The following KRT74 variants were observed in gnomAD, a reference collection of about 807,000 sequenced individuals.
KRT74 encodes keratin, type II cytoskeletal 74.
KRT74 carries 43 observed loss-of-function variants against 42.7 expected under a neutral mutation model. The ratio of observed to expected loss-of-function variants is 1.01; its 90% confidence interval spans 0.79 to 1.30. The LOEUF (loss-of-function observed/expected upper bound fraction) is 1.30. Among genes scored for constraint, KRT74 ranks in the 50% most tolerant of loss-of-function variants. The pLI, the probability that KRT74 is intolerant of heterozygous loss-of-function variation, is 0.00. For missense variants in KRT74, 736 were observed against 689.1 expected (o/e 1.07, Z -0.76); for synonymous variants, 302 against 279.0 (o/e 1.08, Z -0.82).
intron 6 of KRT74, chr12:52,569,351 G>A: frequency 4.5e-6 from 1 of 223,048 alleles, no homozygotes; most frequent in Non-Finnish European, 8.6e-6. Context: ...GTGTCCCTCA[G>A]TCAACAGACC....
rs1245569529 is a variant in KRT74 at position 52,573,537 on chromosome 12, A to C, written c.241T>G (p.Tyr81Asp). The C allele has an allele frequency of 6.2e-7, 1 of 1,613,824 alleles. No individual in the cohort carries two copies. Among genetic ancestry groups the C allele is most frequent in the Non-Finnish European group, 8.5e-7 (1 of 1,180,012 alleles). The change falls in exon 1 of 9, where the codon TAT becomes GAT. Residue 81 changes from tyrosine to aspartate, a missense_variant. Tyr to Asp is a radical substitution (Grantham distance 160). Transcript: ENST00000305620. ...GGYGFRPGSG[Y>D]GGGRASGFAG... ...AAGCCACTGGCCCGGCCCCCTCCAT[A>C]CCCAGAGCCAGGCCTGAAGCCGTAA...
chr12:52,571,828 C>A, intron 3 of KRT74, 116 bp downstream of exon 3: 1 of 810,152 alleles, frequency 1.2e-6, no homozygotes. Flanking sequence ...TCACCAGGCA[C>A]CAGCCCCCTC....
At position 52,567,003 on chromosome 12, in the gene KRT74, G is replaced by C. The variant is rs1313842123; in HGVS notation, c.1556C>G (p.Pro519Arg). The C allele has an allele frequency of 1.9e-6, 3 of 1,608,754 alleles. No individual in the cohort carries two copies. The highest frequency in any genetic ancestry group is 3.3e-5 in the Admixed American group (2 of 59,818). Residue 519 changes from proline (P) to arginine (R), a missense_variant, in exon 9 of 9, where the codon CCA becomes CGA. Coordinates refer to ENST00000305620, the MANE Select transcript of KRT74 (RefSeq NM_175053.4). Reference sequence around the variant, plus strand: ...GGCTTTCCTTGCTGGGATGCTGGCTGGGGTGCTCTTGCCCTGGGTGTCCTT... The same window carrying C: ...GGCTTTCCTTGCTGGGATGCTGGCTCGGGTGCTCTTGCCCTGGGTGTCCTT... The part of the protein sequence containing the change: ...DLKDTQGKST[P>R]ASIPARKATR
Position 52,573,377 on chromosome 12 carries a change from T to C in KRT74, c.401A>G (p.Gln134Arg), listed in dbSNP as rs1325087560. The C allele has an allele frequency of 6.2e-7, 1 of 1,614,124 alleles. No individual in the cohort carries two copies. Among genetic ancestry groups the C allele is most frequent in the Non-Finnish European group, 8.5e-7 (1 of 1,180,052 alleles). The change falls in exon 1 of 9, where the codon CAG (glutamine) becomes CGG (arginine). Residue 134 changes from glutamine to arginine, a missense_variant. Physicochemically the swap from Gln to Arg is conservative, Grantham distance 43. Transcript: ENST00000305620. ...PLNVELDPEI[Q>R]KVRAQEREQI... ...TTCCCGCTCCTGGGCGCGCACCTTC[T>C]GGATCTCAGGGTCCAGCTCCACGTT...
rs760055005 is a variant in KRT74, at chr12:52,567,004, G to A, written c.1555C>T (p.Pro519Ser). 2.0e-5 allele frequency: 32 copies of A among 1,608,456 alleles called. 1 individual carries two copies. In the South Asian group the frequency reaches 3.2e-4, roughly 16 times the overall value. Reference sequence around the variant, plus strand: ...GCTTTCCTTGCTGGGATGCTGGCTGGGGTGCTCTTGCCCTGGGTGTCCTTG... The same window carrying A: ...GCTTTCCTTGCTGGGATGCTGGCTGAGGTGCTCTTGCCCTGGGTGTCCTTG... The part of the protein sequence containing the change: ...DLKDTQGKST[P>S]ASIPARKATR The change falls in exon 9 of 9, where the codon CCA (proline) becomes TCA (serine). Residue 519 changes from proline (P) to serine (S), a missense_variant. Coordinates refer to ENST00000305620, the MANE Select transcript of KRT74 (RefSeq NM_175053.4).
chr12:52,571,041 G>A lies in KRT74; in HGVS notation c.844-208C>T, dbSNP rs565711752. On this transcript the variant is annotated intron_variant, in intron 4 of 8. Coordinates refer to ENST00000305620, the MANE Select transcript of KRT74 (RefSeq NM_175053.4). ...GAACCCCTGCATATGGCAGATGCCC[G>A]CTGGCACATGCAGACGGGTGAATAA... 3.9e-5 allele frequency among the ~76,000 whole-genome samples: 6 copies of A among 152,368 alleles called. No homozygotes were observed. In the East Asian group the frequency reaches 1.2e-3, roughly 29 times the overall value.
At chr12:52,572,067 GC>G in intron 2 of KRT74, 63 bp from the exon 3 acceptor site, 1 of 1,251,358 alleles carries the variant, frequency 8.0e-7, no homozygotes, top group Non-Finnish European at 1.2e-6. Context: ...CTTCCTGCTG[GC>G]CAGGCAAATG....
intron 2 of KRT74, 37 bp downstream of exon 2, chr12:52,572,415 GA>G: frequency 1.2e-6 from 2 of 1,609,062 alleles, no homozygotes; most frequent in Non-Finnish European, 1.7e-6. Context: ...AGAGGCACGG[GA>G]AACATGGTCT....
rs143393418 is a variant in KRT74, at chr12:52,567,016, C to G, written c.1543G>C (p.Gly515Arg). The change falls in exon 9 of 9, where the codon GGC (glycine) becomes CGC (arginine). Residue 515 changes from glycine (G) to arginine (R), a missense_variant. Coordinates refer to ENST00000305620, the MANE Select transcript of KRT74 (RefSeq NM_175053.4). ...GGGATGCTGGCTGGGGTGCTCTTGCCCTGGGTGTCCTTGAGGTCTCCCCCT... is the reference window on the plus strand; with the variant it reads ...GGGATGCTGGCTGGGGTGCTCTTGCGCTGGGTGTCCTTGAGGTCTCCCCCT... Reference protein sequence around the residue: ...ARGGDLKDTQGKSTPASIPAR... With the variant: ...ARGGDLKDTQRKSTPASIPAR... 133 of 1,605,454 alleles carry G rather than the reference C, an allele frequency of 8.3e-5. No individual in the cohort carries two copies. The African/African-American group carries it at 1.6e-3, about 19-fold the overall frequency.
intron 2 of KRT74, 21 bp downstream of exon 2, chr12:52,572,432 C>T (rs1208062877): frequency 1.2e-6 from 2 of 1,613,264 alleles, no homozygotes; most frequent in Non-Finnish European, 8.5e-7. Flanking sequence ...GGTCTGTGAC[C>T]CTCGGGTGGA....
Position 52,570,108 on chromosome 12 carries a change from G to A in KRT74, c.1009-124C>T, listed in dbSNP as rs1024929905. The A allele has an allele frequency of 5.3e-6, 6 of 1,130,808 alleles. No individual in the cohort carries two copies. In the African/African-American group the frequency reaches 7.8e-5, roughly 15 times the overall value. The allele number at this position is 1,130,808 out of a possible 1,614,324, so 70.0% of individuals were successfully genotyped here. The stretch of plus-strand genomic sequence containing the variant: ...TAACGGAACTGAAGAGGAGTGCTGG[G>A]ACAGGGTCCTGGGGGCCCAGGTAAG... On this transcript the variant is annotated intron_variant, in intron 5 of 8. Coordinates refer to ENST00000305620, the MANE Select transcript of KRT74 (RefSeq NM_175053.4).
chr12:52,572,812 C>A (rs954711572), intron 1 of KRT74, 145 bp from the exon 2 acceptor site: 5 of 761,966 alleles, frequency 6.6e-6, no homozygotes, highest in Non-Finnish European at 1.1e-5. Flanking sequence ...CCATTCCACA[C>A]AAACTAGATC....
intron 8 of KRT74, 49 bp from the exon 9 acceptor site, chr12:52,567,217 A>G (rs1654104142): frequency 1.4e-6 from 2 of 1,453,544 alleles, no homozygotes. Flanking sequence ...GTCAATCAGC[A>G]GATAACAGCT....
Position 52,566,882 on chromosome 12 carries a change from G to A in KRT74, c.*87C>T, listed in dbSNP as rs1939390129. The A allele has an allele frequency of 1.8e-6, 2 of 1,137,946 alleles. No homozygotes were observed. The highest frequency in any genetic ancestry group is 1.3e-6 in the Non-Finnish European group (1 of 784,724). The allele number at this position is 1,137,946 out of a possible 1,614,324, so 70.5% of individuals were successfully genotyped here. ...TACTACAGACAGTTTTAAAACTCAG[G>A]GCCTGGGAACTTGGGTGTGGCAGAC... On this transcript the variant is annotated 3_prime_UTR_variant, in exon 9 of 9. Transcript: ENST00000305620.
chr12:52,568,564 A>G, intron 6 of KRT74, 175 bp from the exon 7 acceptor site: 1 of 688,880 alleles, frequency 1.5e-6, no homozygotes, highest in South Asian at 1.9e-5. Flanking sequence ...AGGAGTATTC[A>G]AAGCTGTTAT....
chr12:52,572,647 CT>C lies in KRT74; in HGVS notation c.491del (p.Gln164ArgfsTer5). 2 of 1,614,206 alleles carry C rather than the reference CT, an allele frequency of 1.2e-6. No homozygotes were observed. The highest frequency in any genetic ancestry group is 1.7e-6 in the Non-Finnish European group (2 of 1,180,046). On this transcript the variant is annotated frameshift_variant, in exon 2 of 9. Transcript: ENST00000305620. LOFTEE classifies it high-confidence loss of function. ...FIDKVRFLEQ[Q>X]NQVLETKWEL... The stretch of plus-strand genomic sequence containing the variant: ...CCCACTTGGTTTCTAGAACCTGGTT[CT>C]GCTGCTCTAGGAAGCGTACCTGGAA...
chr12:52,571,171 A>G (rs555562417), intron 4 of KRT74, among the ~76,000 whole-genome samples, 188 bp downstream of exon 4: 10 of 152,320 alleles, frequency 6.6e-5, no homozygotes, highest in South Asian at 6.2e-4. Context: ...ATCAAGATCA[A>G]TTTCCTCCTG....
rs57387512 is a variant in KRT74 at position 52,568,349 on chromosome 12, C to T, written c.1175G>A (p.Arg392Gln). The part of the protein sequence containing the change: ...LETAIADAEQ[R>Q]GDNALKDAQA... The stretch of plus-strand genomic sequence containing the variant: ...GGCATCCTTCAGGGCATTGTCTCCC[C>T]GCTGCTCAGCGTCAGCGATGGCCGT... The change falls in exon 7 of 9, where the codon CGG (arginine) becomes CAG (glutamine). Residue 392 changes from arginine (R) to glutamine (Q), a missense_variant. By Grantham distance (43) the Arg-to-Gln change is conservative. Transcript: ENST00000305620. 2.0e-3 allele frequency: 3,243 copies of T among 1,614,204 alleles called. 57 individuals carry two copies. The African/African-American group carries it at 0.034, about 17-fold the overall frequency.
chr12:52,568,390 C>CT lies in KRT74; in HGVS notation c.1135-2dup, dbSNP rs1939418809. The stretch of plus-strand genomic sequence containing the variant: ...CGATGGCCGTCTCCAGGCTGGCACG[C>CT]TGAAGGGCAAAGAACAGAGAGACCA... On this transcript the variant is annotated splice_acceptor_variant, in intron 6 of 8. Transcript: ENST00000305620. LOFTEE classifies it high-confidence loss of function. 1 of 1,613,990 alleles carries CT rather than the reference C, an allele frequency of 6.2e-7. No homozygotes were observed. Among genetic ancestry groups the CT allele is most frequent in the South Asian group, 1.1e-5 (1 of 91,088 alleles).
Sources: gnomAD v4.1 joint callset for allele counts (sites outside exome capture counted in the v4.1 genomes callset) on GRCh38, gnomAD v4.1.1 for gene constraint, MANE v1.5 for transcripts, NCBI Gene and HGNC (gene_info 2026-07-23, HGNC 2026-07-21) for gene names.